CAMKMT: variants seen among roughly 807,000 people sequenced by gnomAD.
CAMKMT encodes calmodulin-lysine N-methyltransferase.
Under a neutral mutation model 48.0 loss-of-function variants are expected in CAMKMT, and 53 were observed. The observed-to-expected ratio is 1.10, with a 90% CI of 0.89 to 1.39. The LOEUF (loss-of-function observed/expected upper bound fraction) is 1.39. CAMKMT is among the 40% of genes most tolerant of loss of function. The pLI, the probability that CAMKMT is intolerant of heterozygous loss-of-function variation, is 0.00. For synonymous variants in CAMKMT, 165 were observed against 152.3 expected, an observed-to-expected ratio of 1.08 and a Z score of -0.61; for missense variants, 428 against 402.7, an observed-to-expected ratio of 1.06 and a Z score of -0.54.
intron 3 of CAMKMT, among the ~76,000 whole-genome samples, chr2:44,654,262 G>A (rs776816651): frequency 2.0e-4 from 30 of 152,040 alleles, no homozygotes; most frequent in Non-Finnish European, 2.1e-4. Flanking sequence ...ATAGAATTTA[G>A]GTTTAGAATT....
chr2:44,625,229 G>A lies in CAMKMT; in HGVS notation c.377-79054G>A, dbSNP rs1011491881. 2.0e-5 allele frequency among the ~76,000 whole-genome samples: 3 copies of A among 152,166 alleles called. No homozygotes were observed. In the South Asian group the frequency reaches 6.2e-4, roughly 32 times the overall value. ...TAGTATCTTATTGTGATTTCAATTTGCATTCCCCTAATGATTGCTGATGTT... is the reference window on the plus strand; with the variant it reads ...TAGTATCTTATTGTGATTTCAATTTACATTCCCCTAATGATTGCTGATGTT... On this transcript the variant is annotated intron_variant, in intron 3 of 10. Coordinates refer to ENST00000378494, the MANE Select transcript of CAMKMT (RefSeq NM_024766.5).
At chr2:44,400,487 T>C (rs1067331) in intron 3 of CAMKMT, among the ~76,000 whole-genome samples, 108,286 of 151,972 alleles carry the variant, frequency 0.71, 39,229 homozygotes, top group South Asian at 0.79. Context: ...CTGATGCATA[T>C]TGTATATTTG....
intron 3 of CAMKMT, among the ~76,000 whole-genome samples, chr2:44,449,461 G>A (rs755629621): frequency 5.9e-5 from 9 of 152,012 alleles, no homozygotes; most frequent in Non-Finnish European, 1.2e-4. Flanking sequence ...TCCAATTTCT[G>A]CTGTCCTTTC....
At chr2:44,510,963 C>A (rs528548804) in intron 3 of CAMKMT, among the ~76,000 whole-genome samples, 1 of 152,086 alleles carries the variant, frequency 6.6e-6, no homozygotes, top group African/African-American at 2.4e-5. Flanking sequence ...GCCTCAGCCT[C>A]CCAAGTAGCT....
At chr2:44,732,944 C>T (rs1477448457) in intron 7 of CAMKMT, among the ~76,000 whole-genome samples, 1 of 152,070 alleles carries the variant, frequency 6.6e-6, no homozygotes, top group Non-Finnish European at 1.5e-5. Flanking sequence ...TCTGATTTAC[C>T]AATTTGTTCT....
intron 3 of CAMKMT, among the ~76,000 whole-genome samples, chr2:44,481,808 T>C (rs1400462709): frequency 1.3e-5 from 2 of 152,058 alleles, no homozygotes; most frequent in African/African-American, 2.4e-5. Flanking sequence ...GTATGCTGGT[T>C]TAAAAAATAA....
At chr2:44,506,465 A>T (rs2104755818) in intron 3 of CAMKMT, among the ~76,000 whole-genome samples, 1 of 152,308 alleles carries the variant, frequency 6.6e-6, no homozygotes, top group South Asian at 2.1e-4. Context: ...CTTTCTGATT[A>T]TACTGTTTTA....
At chr2:44,629,439 T>TC (rs993101653) in intron 3 of CAMKMT, among the ~76,000 whole-genome samples, 4 of 146,786 alleles carry the variant, frequency 2.7e-5, no homozygotes, top group African/African-American at 7.5e-5. Context: ...CTTTCTTTTT[T>TC]TTTTTTTTTT....
intron 3 of CAMKMT, among the ~76,000 whole-genome samples, chr2:44,449,216 C>A (rs566881629): frequency 6.6e-6 from 1 of 152,198 alleles, no homozygotes; most frequent in South Asian, 2.1e-4. Flanking sequence ...TAAATGTTGA[C>A]CCCTTCATGT....
chr2:44,655,809 A>G (rs1156866614), intron 3 of CAMKMT, among the ~76,000 whole-genome samples: 2 of 152,218 alleles, frequency 1.3e-5, no homozygotes, highest in Non-Finnish European at 2.9e-5. Flanking sequence ...TTCATGATAA[A>G]GTCTGCAATA....
intron 3 of CAMKMT, among the ~76,000 whole-genome samples, chr2:44,430,292 A>C (rs1373292113): frequency 2.0e-5 from 3 of 151,924 alleles, no homozygotes; most frequent in Non-Finnish European, 2.9e-5. Context: ...AGCCCTGAAG[A>C]GTTTTCACCA....
chr2:44,381,412 G>C (rs1482783554), intron 2 of CAMKMT, among the ~76,000 whole-genome samples: 4 of 152,144 alleles, frequency 2.6e-5, no homozygotes, highest in Non-Finnish European at 5.9e-5. Context: ...GAGAGAGACA[G>C]ATGCAAGAAG....
intron 3 of CAMKMT, among the ~76,000 whole-genome samples, chr2:44,534,380 A>G (rs952621353): frequency 1.3e-5 from 2 of 152,192 alleles, no homozygotes; most frequent in African/African-American, 2.4e-5. Context: ...CTTTATACCA[A>G]ATGGGCTTTA....
chr2:44,558,140 G>A (rs1668122403), intron 3 of CAMKMT, among the ~76,000 whole-genome samples: 2 of 151,958 alleles, frequency 1.3e-5, no homozygotes, highest in Admixed American at 1.3e-4. Flanking sequence ...CTGCAGCCTC[G>A]AACTCCTGGG....
intron 3 of CAMKMT, among the ~76,000 whole-genome samples, chr2:44,629,433 CTTTT>C (rs897761983): frequency 1.6e-5 from 2 of 125,324 alleles, no homozygotes; most frequent in African/African-American, 6.0e-5. Flanking sequence ...TTCTTTCTTT[CTTTT>C]TTTTTTTTTT....
In CAMKMT at chr2:44,706,330, G is replaced by C. The variant is rs746830495; in HGVS notation, c.481G>C (p.Ala161Pro). ...GCTAGGGGGTGGCATGACATGCTTGGCTGGGCTCATGGTAGGTCTTTTCTC... is the reference window on the plus strand; with the variant it reads ...GCTAGGGGGTGGCATGACATGCTTGCCTGGGCTCATGGTAGGTCTTTTCTC... The part of the protein sequence containing the change: ...CELGGGMTCL[A>P]GLMVAISADV... Residue 161 changes from alanine (A) to proline (P), a missense_variant, in exon 5 of 11, where the codon GCT becomes CCT. Physicochemically the swap from Ala to Pro is conservative, Grantham distance 27 (BLOSUM62 -1). Coordinates refer to ENST00000378494, the MANE Select transcript of CAMKMT (RefSeq NM_024766.5). 1 of 1,613,224 alleles carries C rather than the reference G, an allele frequency of 6.2e-7. No individual in the cohort carries two copies. Among genetic ancestry groups the C allele is most frequent in the Admixed American group, 1.7e-5 (1 of 59,956 alleles).
At chr2:44,581,739 G>A (rs1320777149) in intron 3 of CAMKMT, among the ~76,000 whole-genome samples, 2 of 152,172 alleles carry the variant, frequency 1.3e-5, no homozygotes, top group African/African-American at 2.4e-5. Context: ...GGTGGCTCAC[G>A]CCTGTAATCC....
intron 3 of CAMKMT, among the ~76,000 whole-genome samples, chr2:44,442,049 G>A (rs1666699001): frequency 6.6e-6 from 1 of 152,188 alleles, no homozygotes; most frequent in South Asian, 2.1e-4. Context: ...CCCTTGAGAA[G>A]CAGGTAGCTC....
At chr2:44,730,787 T>C (rs1679039758) in intron 7 of CAMKMT, among the ~76,000 whole-genome samples, 1 of 152,220 alleles carries the variant, frequency 6.6e-6, no homozygotes, top group African/African-American at 2.4e-5. Flanking sequence ...CTGTAAACAC[T>C]GTAAATGGCC....
Sources: allele counts gnomAD v4.1 joint callset (sites outside exome capture counted in the v4.1 genomes callset), GRCh38; gene constraint gnomAD v4.1.1; transcripts MANE v1.5; gene names NCBI Gene and HGNC (gene_info 2026-07-23, HGNC 2026-07-21).